The following STAT5B variants were observed in gnomAD, a reference collection of about 807,000 sequenced individuals.
STAT5B encodes the protein signal transducer and activator of transcription 5B.
In STAT5B, 21 loss-of-function variants were observed where a neutral mutation model predicts 107.8. That is an observed-to-expected ratio of 0.19 (90% CI 0.14 to 0.28). The LOEUF (loss-of-function observed/expected upper bound fraction) is 0.28. STAT5B is among the 10% of genes least tolerant of loss of function. STAT5B has a pLI of 1.00. For missense variants in STAT5B, 565 were observed against 1,008.2 expected (o/e 0.56, Z 5.95); for synonymous variants, 325 against 401.7 (o/e 0.81, Z 2.28).
chr17:42,217,980 A>G, intron 9 of STAT5B, 171 bp downstream of exon 9: 2 of 1,148,158 alleles, frequency 1.7e-6, no homozygotes, highest in Non-Finnish European at 1.2e-6. Context: ...TGCTTGGATT[A>G]CAGGTGTGAG....
intron 1 of STAT5B, chr17:42,271,254 C>T (rs1009040280): frequency 1.3e-5 from 2 of 152,208 alleles, no homozygotes; most frequent in Non-Finnish European, 2.9e-5. Flanking sequence ...TGTTAGAAAC[C>T]CGTTGGGTTT....
At position 42,219,300 on chromosome 17, in the gene STAT5B, C is replaced by G. The variant is rs1030743943; in HGVS notation, c.833+12G>C. On this transcript the variant is annotated intron_variant, in intron 7 of 18. Coordinates refer to ENST00000293328, the MANE Select transcript of STAT5B (RefSeq NM_012448.4). ...CCTCCTGCCCTGCCCGCTGGCCGCC[C>G]CACACCATTACCAGGACTGTAGCAC... 10 of 1,577,130 alleles carry G rather than the reference C, an allele frequency of 6.3e-6. No homozygotes were observed. In the Admixed American group the frequency reaches 1.1e-4, roughly 17 times the overall value.
chr17:42,202,706 G>T (rs113929173), intron 17 of STAT5B, 51 bp downstream of exon 17: 9 of 1,612,076 alleles, frequency 5.6e-6, no homozygotes, highest in Non-Finnish European at 7.6e-6. Flanking sequence ...GGCAGGGTCT[G>T]GGGGAGGAGG....
chr17:42,226,074 A>G (rs1312918481), intron 3 of STAT5B, among the ~76,000 whole-genome samples: 1 of 152,116 alleles, frequency 6.6e-6, no homozygotes, highest in African/African-American at 2.4e-5. Context: ...AGCTGGGATT[A>G]CAGTTGTCCA....
chr17:42,278,389 A>G (rs1392666047), upstream of STAT5B, among the ~76,000 whole-genome samples: 1 of 152,234 alleles, frequency 6.6e-6, no homozygotes, highest in Non-Finnish European at 1.5e-5. Context: ...AATGGAGGTT[A>G]CAAGGACTAT....
At chr17:42,223,648 G>A (rs1312768544) in intron 4 of STAT5B, 92 bp from the exon 5 acceptor site, 2 of 1,503,562 alleles carry the variant, frequency 1.3e-6, no homozygotes, top group Non-Finnish European at 1.8e-6. Context: ...TACAACCAGG[G>A]TAAGACCCCA....
chr17:42,241,933 T>C (rs1477187485), intron 1 of STAT5B, among the ~76,000 whole-genome samples: 2 of 152,076 alleles, frequency 1.3e-5, no homozygotes, highest in African/African-American at 4.8e-5. Flanking sequence ...AGGAAGCCAA[T>C]TCTCTTTTTA....
chr17:42,261,438 C>T (rs752550411), intron 1 of STAT5B, among the ~76,000 whole-genome samples: 62 of 152,174 alleles, frequency 4.1e-4, no homozygotes, highest in Middle Eastern at 3.4e-3. Context: ...AAAAGTACTA[C>T]GTGATTTTTA....
intron 12 of STAT5B, among the ~76,000 whole-genome samples, chr17:42,215,649 C>CA (rs1487382704): frequency 6.6e-6 from 1 of 152,054 alleles, no homozygotes; most frequent in Non-Finnish European, 1.5e-5. Context: ...GATGGAGTCT[C>CA]ACTCTGTCAC....
At chr17:42,217,701 T>G in intron 9 of STAT5B, 1 of 563,408 alleles carries the variant, frequency 1.8e-6, no homozygotes, top group South Asian at 2.0e-5. Context: ...TTTTTTTTTT[T>G]TTTTGTGACG....
chr17:42,232,500 C>A (rs1039799492), intron 1 of STAT5B, among the ~76,000 whole-genome samples: 1 of 152,090 alleles, frequency 6.6e-6, no homozygotes, highest in African/African-American at 2.4e-5. Flanking sequence ...CCTCCCACCT[C>A]AGCCTCCTAA....
chr17:42,233,749 CA>C (rs1408134680), intron 1 of STAT5B: 1 of 152,212 alleles, frequency 6.6e-6, no homozygotes, highest in Non-Finnish European at 1.5e-5. Flanking sequence ...CTCAGCCTCC[CA>C]AAGTGCTGGA....
At chr17:42,284,232 A>C in the STAT5B span, among the ~76,000 whole-genome samples, 6 of 151,032 alleles carry the variant, frequency 4.0e-5, no homozygotes, top group Admixed American at 4.0e-4. Flanking sequence ...CAAGGCAGAA[A>C]GGGGACCTGG....
Position 42,201,401 on chromosome 17 carries a change from G to T in STAT5B, c.*337C>A. 1 of 595,320 alleles carries T rather than the reference G, an allele frequency of 1.7e-6. No homozygotes were observed. Among genetic ancestry groups the T allele is most frequent in the Non-Finnish European group, 3.0e-6 (1 of 334,344 alleles). The allele number at this position is 595,320 out of a possible 1,614,324, so 36.9% of individuals were successfully genotyped here. A position where few individuals can be genotyped will look rare whatever the true frequency, so the allele number is the denominator to read the frequency against. On this transcript the variant is annotated 3_prime_UTR_variant, in exon 19 of 19. Transcript: ENST00000293328. Reference sequence around the variant, plus strand: ...CTTAAGACACATGGCCAACTTCCAGGCTTCACGAAACTCACTGCCTTTTTG... The same window carrying T: ...CTTAAGACACATGGCCAACTTCCAGTCTTCACGAAACTCACTGCCTTTTTG...
At chr17:42,271,348 C>G (rs2080720683) in intron 1 of STAT5B, 1 of 152,194 alleles carries the variant, frequency 6.6e-6, no homozygotes, top group Admixed American at 6.5e-5. Context: ...AAATTAATCC[C>G]AACAAATAAC....
intron 1 of STAT5B, among the ~76,000 whole-genome samples, chr17:42,233,538 T>C (rs2080334143): frequency 6.6e-6 from 1 of 151,850 alleles, no homozygotes; most frequent in Admixed American, 6.6e-5. Flanking sequence ...TTGCCCAGGC[T>C]GGAGTGCCGT....
intron 14 of STAT5B, 26 bp from the exon 15 acceptor site, chr17:42,210,327 A>C: frequency 1.2e-6 from 2 of 1,614,212 alleles, no homozygotes; most frequent in Non-Finnish European, 1.7e-6. Context: ...CAAAGGACAG[A>C]AGCAGAGTGT....
chr17:42,237,656 T>A (rs567409431), intron 1 of STAT5B, among the ~76,000 whole-genome samples: 1 of 152,126 alleles, frequency 6.6e-6, no homozygotes, highest in Non-Finnish European at 1.5e-5. Flanking sequence ...TGGATTCATA[T>A]GTATAATTTA....
intron 5 of STAT5B, 71 bp downstream of exon 5, chr17:42,223,311 C>G: frequency 1.9e-6 from 3 of 1,610,334 alleles, no homozygotes; most frequent in Non-Finnish European, 2.5e-6. Context: ...TTCTCCCAAC[C>G]CCACCAGAGC....
Sources: gnomAD v4.1 joint callset for allele counts (sites outside exome capture counted in the v4.1 genomes callset) on GRCh38, gnomAD v4.1.1 for gene constraint, MANE v1.5 for transcripts, NCBI Gene and HGNC (gene_info 2026-07-23, HGNC 2026-07-21) for gene names.